The following MECOM variants were observed in gnomAD, a reference collection of about 807,000 sequenced individuals.
MECOM encodes the protein MDS1 and EVI1 complex locus.
A neutral mutation model predicts 116.3 loss-of-function variants in MECOM; 13 were observed. That is an observed-to-expected ratio of 0.11 (90% CI 0.07 to 0.18). The LOEUF (loss-of-function observed/expected upper bound fraction) is 0.18. Among genes scored for constraint, MECOM ranks in the 10% least tolerant of loss-of-function variants. MECOM has a pLI of 1.00. For synonymous variants in MECOM, 528 were observed against 535.2 expected (o/e 0.99, Z 0.19); for missense variants, 1,299 against 1,509.0 (o/e 0.86, Z 2.31).
At chr3:169,607,489 T>C (rs150897567) in intron 1 of MECOM, among the ~76,000 whole-genome samples, 1 of 152,262 alleles carries the variant, frequency 6.6e-6, no homozygotes, top group Non-Finnish European at 1.5e-5. Flanking sequence ...CAAAAGATAC[T>C]TGAAAAAATT....
chr3:169,628,516 G>A (rs907739102), intron 1 of MECOM, among the ~76,000 whole-genome samples: 3 of 152,216 alleles, frequency 2.0e-5, no homozygotes, highest in African/African-American at 7.2e-5. Flanking sequence ...CTTCTTGGCT[G>A]AGGATTCAAG....
intron 2 of MECOM, among the ~76,000 whole-genome samples, chr3:169,364,500 G>A (rs1303500714): frequency 2.0e-5 from 3 of 151,994 alleles, no homozygotes; most frequent in Admixed American, 2.0e-4. Flanking sequence ...TGTGCTTAAA[G>A]AAACATGCCC....
chr3:169,131,455 T>A lies in MECOM; in HGVS notation c.587A>T (p.His196Leu). 6.2e-7 allele frequency: 1 copy of A among 1,614,072 alleles called. No individual in the cohort carries two copies. The highest frequency in any genetic ancestry group is 8.5e-7 in the Non-Finnish European group (1 of 1,180,010). The change falls in exon 4 of 17, where the codon CAT becomes CTT. Residue 196 changes from histidine (H) to leucine (L), a missense_variant. By Grantham distance (99) the His-to-Leu change is moderately conservative. This residue lies in a region of MECOM where 374 missense variants were observed against 433.4 expected (regional missense o/e 0.86). Coordinates refer to ENST00000651503, the MANE Select transcript of MECOM (RefSeq NM_004991.4). ...GTGGATATCCGGCGCCATAGTTTCA[T>A]GGGGATAGTCTTCGCTCTTCATGAA... The part of the protein sequence containing the change: ...LLFMKSEDYP[H>L]ETMAPDIHEE...
intron 2 of MECOM, among the ~76,000 whole-genome samples, chr3:169,222,905 T>C (rs147707649): frequency 9.5e-4 from 145 of 152,318 alleles, no homozygotes; most frequent in African/African-American, 3.2e-3. Flanking sequence ...CCATTAATAA[T>C]GAACGGTGCC....
At position 169,116,757 on chromosome 3, in the gene MECOM, A is replaced by C; in HGVS notation, c.1133-18T>G. 8 of 1,558,312 alleles carry C rather than the reference A, an allele frequency of 5.1e-6. No individual in the cohort carries two copies. The highest frequency in any genetic ancestry group is 6.9e-6 in the Non-Finnish European group (8 of 1,155,782). On this transcript the variant is annotated intron_variant, in intron 7 of 16. Transcript: ENST00000651503. ...GACCTCACCTGTGTGCAAACAACAA[A>C]AAAGAATCTCAGGCTTTATGTCAAT...
intron 1 of MECOM, chr3:169,483,856 T>C: frequency 6.2e-7 from 1 of 1,611,460 alleles, no homozygotes; most frequent in Non-Finnish European, 8.5e-7. Context: ...GTGATCTTGC[T>C]CTTGCTCCTT....
chr3:169,180,580 T>G (rs1745812317), intron 2 of MECOM, among the ~76,000 whole-genome samples: 1 of 151,412 alleles, frequency 6.6e-6, no homozygotes, highest in Non-Finnish European at 1.5e-5. Flanking sequence ...TCAAATAGAG[T>G]TTTTAAAGAT....
At chr3:169,350,009 A>G (rs1352557497) in intron 2 of MECOM, among the ~76,000 whole-genome samples, 1 of 152,010 alleles carries the variant, frequency 6.6e-6, no homozygotes, top group African/African-American at 2.4e-5. Context: ...TATTTATAAA[A>G]ATATGATAGA....
chr3:169,114,800 C>G (rs1255827550), intron 8 of MECOM, among the ~76,000 whole-genome samples: 2 of 152,052 alleles, frequency 1.3e-5, no homozygotes, highest in African/African-American at 4.8e-5. Flanking sequence ...TCAAAGGAAA[C>G]CGGATAATGA....
Position 169,408,765 on chromosome 3 carries a change from C to T in MECOM, c.38-27241G>A, listed in dbSNP as rs562301673. ...TTGGCTGTATGCTAACCACTGACCT[C>T]AAGCAAGTAACGTAAGCAGGCTGGG... On this transcript the variant is annotated intron_variant, in intron 1 of 16. Transcript: ENST00000651503. 1.4e-3 allele frequency among the ~76,000 whole-genome samples: 215 copies of T among 152,178 alleles called. 3 individuals are homozygous for T. The South Asian group carries it at 0.022, about 15-fold the overall frequency.
chr3:169,470,631 C>A (rs1749071209), intron 1 of MECOM, among the ~76,000 whole-genome samples: 1 of 152,076 alleles, frequency 6.6e-6, no homozygotes, highest in Non-Finnish European at 1.5e-5. Flanking sequence ...CTATTCCTGG[C>A]CACAGAGAGA....
At chr3:169,096,418 G>A (rs56743174) in intron 12 of MECOM, among the ~76,000 whole-genome samples, 10,639 of 151,840 alleles carry the variant, frequency 0.07, 445 homozygotes, top group East Asian at 0.14. Context: ...TTACAGGCAC[G>A]TGTCACCATG....
At chr3:169,180,426 G>A (rs1042091650) in intron 2 of MECOM, among the ~76,000 whole-genome samples, 8 of 151,950 alleles carry the variant, frequency 5.3e-5, no homozygotes, top group Non-Finnish European at 5.9e-5. Flanking sequence ...GTTTTGATGC[G>A]CAAGGTACTT....
At chr3:169,466,942 A>G (rs1186909651) in intron 1 of MECOM, 1 of 152,206 alleles carries the variant, frequency 6.6e-6, no homozygotes, top group African/African-American at 2.4e-5. Context: ...ATTCTTTTTC[A>G]AAAAGCTTCT....
intron 2 of MECOM, among the ~76,000 whole-genome samples, chr3:169,350,676 TA>T (rs1175122227): frequency 2.0e-5 from 3 of 151,984 alleles, no homozygotes; most frequent in African/African-American, 7.2e-5. Flanking sequence ...ATATATTATT[TA>T]AATTATACCT....
chr3:169,496,814 C>G (rs991346617), intron 1 of MECOM, among the ~76,000 whole-genome samples: 4 of 152,146 alleles, frequency 2.6e-5, no homozygotes, highest in Admixed American at 1.3e-4. Context: ...AATAATGGCT[C>G]TTTCTTGATT....
chr3:169,465,327 T>C (rs970344121), intron 1 of MECOM, among the ~76,000 whole-genome samples: 3 of 152,234 alleles, frequency 2.0e-5, no homozygotes, highest in Non-Finnish European at 4.4e-5. Flanking sequence ...ATAATATCTG[T>C]TTCCTAGTAT....
intron 4 of MECOM, among the ~76,000 whole-genome samples, chr3:169,128,494 T>C (rs1249734685): frequency 6.6e-6 from 1 of 152,106 alleles, no homozygotes; most frequent in Non-Finnish European, 1.5e-5. Context: ...AGTCAGGGAG[T>C]ATAGAGCTAT....
At chr3:169,632,667 C>T (rs958517435) in intron 1 of MECOM, among the ~76,000 whole-genome samples, 4 of 152,138 alleles carry the variant, frequency 2.6e-5, no homozygotes, top group East Asian at 1.9e-4. Flanking sequence ...ACTTCTCTCA[C>T]GTGCAAACAC....
Sources: allele counts gnomAD v4.1 joint callset (sites outside exome capture counted in the v4.1 genomes callset), GRCh38; gene constraint gnomAD v4.1.1; regional missense constraint gnomAD v4.1.1; transcripts MANE v1.5; gene names NCBI Gene and HGNC (gene_info 2026-07-23, HGNC 2026-07-21).